The following CFAP410 variants were observed in gnomAD, a reference collection of about 807,000 sequenced individuals.
CFAP410 encodes cilia- and flagella-associated protein 410.
CFAP410 carries 27 observed loss-of-function variants against 25.7 expected under a neutral mutation model. The ratio of observed to expected loss-of-function variants is 1.05; its 90% CI spans 0.77 to 1.45. The LOEUF (loss-of-function observed/expected upper bound fraction) is 1.45. CFAP410 is among the 40% of genes most tolerant of loss of function. CFAP410 has a pLI of 0.00. For synonymous variants in CFAP410, 178 were observed against 158.4 expected, an observed-to-expected ratio of 1.12 and a Z score of -0.93; for missense variants, 428 against 354.1, an observed-to-expected ratio of 1.21 and a Z score of -1.67.
intron 5 of CFAP410, 185 bp downstream of exon 5, chr21:44,331,658 T>G (rs916314518): frequency 6.7e-6 from 4 of 600,126 alleles, no homozygotes; most frequent in Non-Finnish European, 8.3e-6. Flanking sequence ...GACCTGCCAC[T>G]GAAATCACTA....
rs765058590 is a variant in CFAP410 at position 44,330,208 on chromosome 21, T to C, written c.761A>G (p.His254Arg). The change falls in exon 7 of 7, where the codon CAC becomes CGC. Residue 254 changes from histidine (H) to arginine (R), a missense_variant. His to Arg is a conservative substitution (Grantham distance 29, BLOSUM62 0). Coordinates refer to ENST00000339818, the MANE Select transcript of CFAP410 (RefSeq NM_004928.3). ...GTTCAGGTCCTGCGGTCACTCGGCGTGCTCCTGCACCTCTTCCCCACGCAG... is the reference window on the plus strand; with the variant it reads ...GTTCAGGTCCTGCGGTCACTCGGCGCGCTCCTGCACCTCTTCCCCACGCAG... ...QALRGEEVQE[H>R]AE 3 of 1,570,960 alleles carry C rather than the reference T, an allele frequency of 1.9e-6. No individual in the cohort carries two copies. Among genetic ancestry groups the C allele is most frequent in the Admixed American group, 1.8e-5 (1 of 54,900 alleles).
Position 44,333,168 on chromosome 21 carries a change from G to C in CFAP410, c.238C>G (p.Leu80Val), listed in dbSNP as rs1472654893. ...CGCGGCAGCCCCTTCAGGTAGAAGA[G>C]CTCAGCCAGGCTGGGGATGCGGTTC... ...RRNRIPSLAE[L>V]FYLKGLPRLR... Residue 80 changes from leucine (L) to valine (V), a missense_variant, in exon 4 of 7, where the codon CTC becomes GTC. Leu to Val is a conservative substitution (Grantham distance 32, BLOSUM62 1). Transcript: ENST00000339818. 1.2e-6 allele frequency: 2 copies of C among 1,612,680 alleles called. No homozygotes were observed. Among genetic ancestry groups the C allele is most frequent in the Non-Finnish European group, 1.7e-6 (2 of 1,179,916 alleles).
chr21:44,331,948 C>G lies in CFAP410; in HGVS notation c.440G>C (p.Arg147Thr). Residue 147 changes from arginine to threonine, a missense_variant, in exon 5 of 7, where the codon AGA (arginine) becomes ACA (threonine). By Grantham distance (71) the Arg-to-Thr change is moderately conservative. Coordinates refer to ENST00000339818, the MANE Select transcript of CFAP410 (RefSeq NM_004928.3). ...EGEEITAAPE[R>T]EGTGHGGPKL... ...GGGGCCGCCGTGGCCTGTGCCCTCT[C>G]TCTCTGGGGCCGCAGTGATCTCCTC... 1 of 1,613,698 alleles carries G rather than the reference C, an allele frequency of 6.2e-7. No homozygotes were observed. Among genetic ancestry groups the G allele is most frequent in the Non-Finnish European group, 8.5e-7 (1 of 1,179,866 alleles).
chr21:44,333,790 G>A (rs1311292499), intron 3 of CFAP410: 2 of 332,870 alleles, frequency 6.0e-6, no homozygotes, highest in African/African-American at 4.3e-5. Context: ...CAGCAGGCCT[G>A]GAGCGGGGAC....
chr21:44,330,595 A>T, intron 6 of CFAP410: 1 of 1,549,764 alleles, frequency 6.5e-7, no homozygotes, highest in Non-Finnish European at 8.7e-7. Flanking sequence ...ACAGCAGGAG[A>T]GGCTGAGGGG....
rs1315901099 is a variant in CFAP410 at position 44,329,371 on chromosome 21, C to G, written c.*827G>C. 1 of 152,278 alleles carries G rather than the reference C, an allele frequency of 6.6e-6. No individual in the cohort carries two copies. The allele number at this position is 152,278 out of a possible 1,614,324, so 9.4% of individuals were successfully genotyped here. A position where few individuals can be genotyped will look rare whatever the true frequency, so the allele number is the denominator to read the frequency against. On this transcript the variant is annotated 3_prime_UTR_variant, in exon 7 of 7. Coordinates refer to ENST00000339818, the MANE Select transcript of CFAP410 (RefSeq NM_004928.3). ...GCTGGAAGGCTGACTCCCCATCTCACGTGAATGCTTCCTTGGTTTTGGGGG... is the reference window on the plus strand; with the variant it reads ...GCTGGAAGGCTGACTCCCCATCTCAGGTGAATGCTTCCTTGGTTTTGGGGG...
chr21:44,333,131 A>G lies in CFAP410; in HGVS notation c.275T>C (p.Leu92Pro), dbSNP rs950577318. ...GCAGCACGGGTTCTCGGCCAGCCAC[A>G]GCACCCGCAGACGCGGCAGCCCCTT... is the stretch of plus-strand genomic sequence containing the variant. ...YLKGLPRLRV[L>P]WLAENPCCGT... is the part of the protein sequence containing the mutation. Residue 92 changes from leucine to proline, a missense_variant, in exon 4 of 7, where the codon CTG becomes CCG. Leu to Pro is a moderately conservative substitution (Grantham distance 98). Transcript: ENST00000339818. The G allele has an allele frequency of 1.2e-6, 2 of 1,611,912 alleles. No homozygotes were observed. Among genetic ancestry groups the G allele is most frequent in the African/African-American group, 2.7e-5 (2 of 74,938 alleles).
intron 3 of CFAP410, chr21:44,334,705 A>G: frequency 8.1e-6 from 2 of 248,192 alleles, no homozygotes; most frequent in South Asian, 8.6e-5. Flanking sequence ...AATAGATGGG[A>G]GGGCTGAGAT....
chr21:44,334,522 C>CCCTCCACCTCTGGGCGGGCACGCGCA (rs1568989765), intron 3 of CFAP410: 2 of 190,854 alleles, frequency 1.0e-5, no homozygotes, highest in Admixed American at 7.5e-5. Flanking sequence ...CGCGCACCCC[C>CCCTCCACCTCTGGGCGGGCACGCGCA]CCCCCCCCCC....
At chr21:44,335,710 C>A in intron 3 of CFAP410, 48 bp downstream of exon 3, 1 of 1,483,772 alleles carries the variant, frequency 6.7e-7, no homozygotes, top group Non-Finnish European at 9.2e-7. Context: ...TGAGGCTCTG[C>A]CCCGGCTTCC....
chr21:44,333,577 AG>A (rs2047693488), intron 3 of CFAP410: 4 of 481,576 alleles, frequency 8.3e-6, no homozygotes, highest in Non-Finnish European at 3.7e-6. Flanking sequence ...TTCACAGGTG[AG>A]GAAAATTAAG....
Position 44,334,863 on chromosome 21 carries a change from T to A in CFAP410, c.143+895A>T, listed in dbSNP as rs550911937. The A allele has an allele frequency of 2.2e-3, 357 of 161,700 alleles. 2 individuals are homozygous for A. The highest frequency in any genetic ancestry group is 8.3e-3 in the African/African-American group (345 of 41,592). 10.0% of individuals were successfully genotyped at this position (161,700 alleles called of 1,614,324 possible). Reference sequence around the variant, plus strand: ...AGCAGGCTGGGCACGGGCATCAACATGGCAATGCCAACCTCAGAGGGCATT... The same window carrying A: ...AGCAGGCTGGGCACGGGCATCAACAAGGCAATGCCAACCTCAGAGGGCATT... On this transcript the variant is annotated intron_variant, in intron 3 of 6. Coordinates refer to ENST00000339818, the MANE Select transcript of CFAP410 (RefSeq NM_004928.3).
chr21:44,329,692 C>T lies in CFAP410; in HGVS notation c.*506G>A. Reference sequence around the variant, plus strand: ...ATGGGTGCGGGAGGCTGCTGCCTGCCTGCTGAGCAGCTCAGGGCAGATGTC... The same window carrying T: ...ATGGGTGCGGGAGGCTGCTGCCTGCTTGCTGAGCAGCTCAGGGCAGATGTC... On this transcript the variant is annotated 3_prime_UTR_variant, in exon 7 of 7. Coordinates refer to ENST00000339818, the MANE Select transcript of CFAP410 (RefSeq NM_004928.3). 6.5e-6 allele frequency: 1 copy of T among 153,832 alleles called. No homozygotes were observed. The highest frequency in any genetic ancestry group is 2.0e-4 in the South Asian group (1 of 4,964). 9.5% of individuals were successfully genotyped at this position (153,832 alleles called of 1,614,324 possible). A position where few individuals can be genotyped will look rare whatever the true frequency, so the allele number is the denominator to read the frequency against.
rs1287258717 is a variant in CFAP410 at position 44,330,926 on chromosome 21, G to A, written c.546-7C>T. On this transcript the variant is annotated splice_region_variant and splice_polypyrimidine_tract_variant and intron_variant, in intron 5 of 6. Transcript: ENST00000339818. ...TTCATCCTGGGCGCCGCTGCTGAGA[G>A]GGAGACAAAGGCGTGTGAGGGTCAG... 2 of 1,578,782 alleles carry A rather than the reference G, an allele frequency of 1.3e-6. No individual in the cohort carries two copies. Among genetic ancestry groups the A allele is most frequent in the Non-Finnish European group, 1.7e-6 (2 of 1,158,620 alleles).
intron 3 of CFAP410, chr21:44,333,583 A>G: frequency 2.1e-6 from 1 of 471,980 alleles, no homozygotes; most frequent in South Asian, 3.4e-5. Flanking sequence ...GGTGAGGAAA[A>G]TTAAGGCCTC....
At chr21:44,332,955 G>T in intron 4 of CFAP410, 78 bp downstream of exon 4, 1 of 961,322 alleles carries the variant, frequency 1.0e-6, no homozygotes, top group Non-Finnish European at 1.6e-6. Flanking sequence ...CAGAAAAGGA[G>T]AAGAGAAAAG....
At chr21:44,337,502 A>G (rs963718254) in intron 2 of CFAP410, 147 bp downstream of exon 2, 2 of 634,504 alleles carry the variant, frequency 3.2e-6, no homozygotes, top group Admixed American at 6.2e-5. Context: ...AAAACCGCTA[A>G]GTGAACAAAG....
At chr21:44,332,712 G>A in intron 4 of CFAP410, 1 of 376,712 alleles carries the variant, frequency 2.7e-6, no homozygotes, top group Non-Finnish European at 4.8e-6. Flanking sequence ...CATGGCGCAT[G>A]GCGATGGTCA....
Position 44,333,322 on chromosome 21 carries a change from C to T in CFAP410, c.144-60G>A. 3.7e-6 allele frequency: 5 copies of T among 1,335,538 alleles called. 1 individual carries two copies. In the South Asian group the frequency reaches 6.3e-5, roughly 17 times the overall value. 82.7% of individuals were successfully genotyped at this position (1,335,538 alleles called of 1,614,324 possible). A position where few individuals can be genotyped will look rare whatever the true frequency, so the allele number is the denominator to read the frequency against. On this transcript the variant is annotated intron_variant, in intron 3 of 6. Transcript: ENST00000339818. ...GGCCAGGGCCCCCAGGGCCACCTCT[C>T]AATCCCCACCCCCAGTAAAAGGCAC...
Sources: gnomAD v4.1 joint callset for allele counts on GRCh38, gnomAD v4.1.1 for gene constraint, MANE v1.5 for transcripts, NCBI Gene and HGNC (gene_info 2026-07-23, HGNC 2026-07-21) for gene names.